The following ATF6 variants were observed in gnomAD, a reference collection of about 807,000 sequenced individuals.
The protein encoded by ATF6 is activating transcription factor 6.
ATF6 carries 53 observed loss-of-function variants against 83.6 expected under a neutral mutation model. That is an observed-to-expected ratio of 0.63 (90% CI 0.51 to 0.80). The LOEUF is 0.80. ATF6 is among the 30% of genes least tolerant of loss of function. The pLI, the probability that ATF6 is intolerant of heterozygous loss-of-function variation, is 0.00. For synonymous variants in ATF6, 288 were observed against 285.8 expected (o/e 1.01, Z -0.08); for missense variants, 744 against 797.9 (o/e 0.93, Z 0.81).
intron 9 of ATF6, among the ~76,000 whole-genome samples, chr1:161,823,745 A>G (rs529112608): frequency 6.6e-6 from 1 of 152,316 alleles, no homozygotes; most frequent in Non-Finnish European, 1.5e-5. Flanking sequence ...TAAATGAAGA[A>G]AATTTAGACT....
intron 10 of ATF6, among the ~76,000 whole-genome samples, chr1:161,847,402 TCAC>T (rs1686509257): frequency 6.6e-6 from 1 of 152,174 alleles, no homozygotes; most frequent in African/African-American, 2.4e-5. Context: ...TGAAAGATGA[TCAC>T]CACAATCCTG....
intron 1 of ATF6, 116 bp from the exon 2 acceptor site, chr1:161,778,128 A>G: frequency 2.9e-6 from 2 of 690,428 alleles, no homozygotes; most frequent in South Asian, 1.9e-5. Flanking sequence ...GAGTTTATCA[A>G]TAATAGTAAT....
intron 6 of ATF6, among the ~76,000 whole-genome samples, chr1:161,797,934 A>G (rs1455912613): frequency 6.6e-6 from 1 of 152,244 alleles, no homozygotes; most frequent in Non-Finnish European, 1.5e-5. Flanking sequence ...ACAAGACTAC[A>G]GTAACCAAAA....
chr1:161,900,734 ATACAT>A (rs1231681218), intron 14 of ATF6, among the ~76,000 whole-genome samples: 1 of 152,156 alleles, frequency 6.6e-6, no homozygotes, highest in Non-Finnish European at 1.5e-5. Flanking sequence ...ACATCATGAC[ATACAT>A]TTATGCATTA....
chr1:161,802,272 T>A lies in ATF6; in HGVS notation c.909T>A (p.Asp303Glu). 1 of 1,613,324 alleles carries A rather than the reference T, an allele frequency of 6.2e-7. No individual in the cohort carries two copies. Among genetic ancestry groups the A allele is most frequent in the Non-Finnish European group, 8.5e-7 (1 of 1,179,424 alleles). Residue 303 changes from aspartate to glutamate, a missense_variant and splice_region_variant, in exon 7 of 16, where the codon GAT becomes GAA. Transcript: ENST00000367942. ...GTACCATGAGAAATGTCGGTTCAGA[T>A]GTAAGTTTTGAAACTTAGTGCTTCT... ...LQSTMRNVGS[D>E]IAVLRRQQRM...
intron 15 of ATF6, among the ~76,000 whole-genome samples, chr1:161,919,027 G>T (rs1188662384): frequency 3.9e-5 from 6 of 152,144 alleles, no homozygotes; most frequent in Non-Finnish European, 8.8e-5. Context: ...AAGAGAGTAG[G>T]ATATGGGTGT....
chr1:161,779,419 G>T (rs571275563), intron 2 of ATF6, among the ~76,000 whole-genome samples: 1 of 152,228 alleles, frequency 6.6e-6, no homozygotes, highest in Admixed American at 6.5e-5. Context: ...TGACATGAAG[G>T]GATTGAATCT....
At chr1:161,853,425 T>C (rs1036618709) in intron 12 of ATF6, 102 bp downstream of exon 12, 1 of 858,906 alleles carries the variant, frequency 1.2e-6, no homozygotes, top group African/African-American at 1.7e-5. Flanking sequence ...ACTTGAGCTT[T>C]AGCCTCTTCC....
At chr1:161,813,862 A>G (rs1685537098) in intron 7 of ATF6, among the ~76,000 whole-genome samples, 1 of 151,066 alleles carries the variant, frequency 6.6e-6, no homozygotes, top group Admixed American at 6.6e-5. Context: ...ACTTTTATTT[A>G]GTTGCATCAA....
At chr1:161,839,343 G>A (rs1012610754) in intron 9 of ATF6, among the ~76,000 whole-genome samples, 3 of 152,036 alleles carry the variant, frequency 2.0e-5, no homozygotes, top group Admixed American at 1.3e-4. Context: ...GGTAGTTGTT[G>A]GGACTGTAGT....
At chr1:161,824,082 A>G (rs1255758609) in intron 9 of ATF6, among the ~76,000 whole-genome samples, 4 of 152,226 alleles carry the variant, frequency 2.6e-5, no homozygotes, top group Non-Finnish European at 5.9e-5. Flanking sequence ...TCCCACTAGC[A>G]GGAGAGAGGA....
At chr1:161,944,221 A>C (rs1688705818) in intron 15 of ATF6, among the ~76,000 whole-genome samples, 1 of 152,196 alleles carries the variant, frequency 6.6e-6, no homozygotes, top group Admixed American at 6.5e-5. Context: ...GTTTGGTGTA[A>C]TTTGCACTTT....
chr1:161,921,995 CTGTT>C (rs4039613), intron 15 of ATF6, among the ~76,000 whole-genome samples: 113,965 of 151,378 alleles, frequency 0.75, 43,386 homozygotes, highest in Middle Eastern at 0.8. Flanking sequence ...CTTGTTTTCC[CTGTT>C]TGTTTGTTTG....
chr1:161,928,530 C>T (rs1421234795), intron 15 of ATF6, among the ~76,000 whole-genome samples: 2 of 152,018 alleles, frequency 1.3e-5, no homozygotes, highest in Non-Finnish European at 1.5e-5. Flanking sequence ...AATTAAAGCA[C>T]TTTAAAATAA....
In ATF6 at chr1:161,778,336, G is replaced by A. The variant is rs1206825186; in HGVS notation, c.159+16G>A. On this transcript the variant is annotated intron_variant, in intron 2 of 15. Coordinates refer to ENST00000367942, the MANE Select transcript of ATF6 (RefSeq NM_007348.4). Reference sequence around the variant, plus strand: ...TGAGACGTATGTAAGTATTTACTAAGGTTGAATAATGTGATATTTAGTCTT... The same window carrying A: ...TGAGACGTATGTAAGTATTTACTAAAGTTGAATAATGTGATATTTAGTCTT... 9 of 1,598,048 alleles carry A rather than the reference G, an allele frequency of 5.6e-6. No individual in the cohort carries two copies. Among genetic ancestry groups the A allele is most frequent in the Non-Finnish European group, 7.7e-6 (9 of 1,166,570 alleles).
At chr1:161,839,071 T>A (rs1176501748) in intron 9 of ATF6, among the ~76,000 whole-genome samples, 2 of 152,208 alleles carry the variant, frequency 1.3e-5, no homozygotes, top group Non-Finnish European at 1.5e-5. Flanking sequence ...GGTGTAATAG[T>A]GACTTCACCA....
intron 14 of ATF6, among the ~76,000 whole-genome samples, chr1:161,876,462 A>G (rs1402670543): frequency 3.9e-5 from 6 of 151,966 alleles, no homozygotes; most frequent in Admixed American, 1.3e-4. Flanking sequence ...ATAACTTACA[A>G]TGTAGGATAC....
chr1:161,881,820 T>C (rs1687331500), intron 14 of ATF6, among the ~76,000 whole-genome samples: 1 of 152,110 alleles, frequency 6.6e-6, no homozygotes, highest in South Asian at 2.1e-4. Context: ...TTATGGACTG[T>C]GTTTTTATGG....
chr1:161,949,598 T>A (rs116074746), intron 15 of ATF6, among the ~76,000 whole-genome samples: 1,778 of 152,324 alleles, frequency 0.012, 41 homozygotes, highest in African/African-American at 0.04. Context: ...TGCCAGCATC[T>A]GCTTCTGGTG....
Sources: allele counts gnomAD v4.1 joint callset (sites outside exome capture counted in the v4.1 genomes callset), GRCh38; gene constraint gnomAD v4.1.1; transcripts MANE v1.5; gene names NCBI Gene and HGNC (gene_info 2026-07-23, HGNC 2026-07-21).